Variants in TNS1 observed in about 807,000 individuals in gnomAD.
TNS1 encodes the protein tensin-1.
Under a neutral mutation model 168.6 loss-of-function variants are expected in TNS1, and 62 were observed. The ratio of observed to expected loss-of-function variants is 0.37; its 90% CI spans 0.30 to 0.45. The LOEUF is 0.45. Among genes scored for constraint, TNS1 ranks in the 20% least tolerant of loss-of-function variants. The pLI, the probability that TNS1 is intolerant of heterozygous loss-of-function variation, is 1.00. For synonymous variants in TNS1, 934 were observed against 933.2 expected (o/e 1.00, Z -0.02); for missense variants, 2,240 against 2,339.4 (o/e 0.96, Z 0.88).
intron 1 of TNS1, among the ~76,000 whole-genome samples, chr2:218,026,945 C>T (rs1374548928): frequency 3.9e-5 from 6 of 152,242 alleles, no homozygotes; most frequent in Non-Finnish European, 7.3e-5. Context: ...GCTCTTGGCT[C>T]AGATACTGGC....
chr2:217,940,058 G>A (rs1575119586), intron 3 of TNS1, among the ~76,000 whole-genome samples: 1 of 152,250 alleles, frequency 6.6e-6, no homozygotes, highest in Non-Finnish European at 1.5e-5. Context: ...AAGCCTGCCA[G>A]GCTGGCCACC....
In TNS1 at chr2:217,848,930, G is replaced by A. The variant is rs138285837; in HGVS notation, c.1587C>T (p.Ser529=). 4.3e-5 allele frequency: 69 copies of A among 1,614,154 alleles called. No homozygotes were observed. The highest frequency in any genetic ancestry group is 4.1e-4 in the African/African-American group (31 of 75,048). ...NHVEHTLSVS[S]DSGNSTASTK... is the part of the protein sequence containing the mutation. ...TGGAGGCTGTGGAGTTGCCCGAGTC[G>A]CTGCTCACAGAAAGCGTGTGTTCCA... is the stretch of plus-strand genomic sequence containing the variant. Residue 529 remains serine, a synonymous_variant, in exon 19 of 33, where the codon AGC becomes AGT. Coordinates refer to ENST00000682258, the MANE Select transcript of TNS1 (RefSeq NM_001387777.1).
intron 17 of TNS1, chr2:217,881,314 C>T: frequency 3.2e-6 from 1 of 307,738 alleles, no homozygotes; most frequent in Non-Finnish European, 6.0e-6. Context: ...TGGGTACCTG[C>T]CTCTTTTTCT....
intron 3 of TNS1, among the ~76,000 whole-genome samples, chr2:217,927,703 C>A (rs1312585105): frequency 2.0e-5 from 3 of 152,134 alleles, no homozygotes; most frequent in Middle Eastern, 3.2e-3. Flanking sequence ...TTTGCAGTGA[C>A]CCCCATCCCC....
At chr2:217,897,674 A>G in intron 8 of TNS1, 124 bp downstream of exon 8, 1 of 1,080,438 alleles carries the variant, frequency 9.3e-7, no homozygotes, top group Non-Finnish European at 1.3e-6. Context: ...GGAAAGGCAG[A>G]TAAACAAAGA....
intron 22 of TNS1, among the ~76,000 whole-genome samples, chr2:217,824,104 G>A (rs768163839): frequency 3.3e-5 from 5 of 152,198 alleles, no homozygotes; most frequent in Non-Finnish European, 7.3e-5. Flanking sequence ...CTGCTGTTGT[G>A]GTGTGACAGC....
chr2:217,828,901 G>A (rs1265740735), intron 22 of TNS1, among the ~76,000 whole-genome samples: 1 of 152,222 alleles, frequency 6.6e-6, no homozygotes, highest in African/African-American at 2.4e-5. Flanking sequence ...GGCTTCCAGA[G>A]GGCAAATCGT....
intron 19 of TNS1, 45 bp from the exon 20 acceptor site, chr2:217,836,256 A>G (rs779549998): frequency 6.4e-7 from 1 of 1,559,572 alleles, no homozygotes; most frequent in Non-Finnish European, 8.7e-7. Flanking sequence ...ATTTTTGTGT[A>G]AGAAATGATC....
chr2:217,994,091 T>C (rs1958425791), intron 1 of TNS1, among the ~76,000 whole-genome samples: 1 of 151,974 alleles, frequency 6.6e-6, no homozygotes, highest in African/African-American at 2.4e-5. Flanking sequence ...GCCAGCCACC[T>C]CCTGGGTTCT....
intron 19 of TNS1, chr2:217,841,427 T>C (rs1053103258): frequency 4.8e-6 from 1 of 207,418 alleles, no homozygotes; most frequent in Non-Finnish European, 8.4e-6. Context: ...GGACGGGGCA[T>C]TAAACAGGAC....
chr2:217,812,560 C>T, intron 27 of TNS1, 115 bp from the exon 28 acceptor site: 4 of 774,650 alleles, frequency 5.2e-6, no homozygotes, highest in Non-Finnish European at 8.3e-6. Context: ...TTACCTCTAC[C>T]TCAACCCACC....
intron 18 of TNS1, chr2:217,849,549 C>T (rs1490165781): frequency 1.5e-6 from 1 of 667,372 alleles, no homozygotes; most frequent in African/African-American, 2.0e-5. Flanking sequence ...AGACCAGTTC[C>T]TGGCACGTGA....
At chr2:217,847,350 G>T (rs905279048) in intron 19 of TNS1, among the ~76,000 whole-genome samples, 160 bp downstream of exon 19, 1 of 152,222 alleles carries the variant, frequency 6.6e-6, no homozygotes, top group African/African-American at 2.4e-5. Context: ...ATCAGACAAT[G>T]AATGCAGGAA....
At chr2:217,807,975 T>C in intron 32 of TNS1, 100 bp downstream of exon 32, 1 of 1,440,788 alleles carries the variant, frequency 6.9e-7, no homozygotes, top group Non-Finnish European at 9.6e-7. Context: ...TTGCTGCTCT[T>C]TCCCTACCCC....
At chr2:217,940,279 T>G (rs1025458577) in intron 3 of TNS1, among the ~76,000 whole-genome samples, 2 of 152,224 alleles carry the variant, frequency 1.3e-5, no homozygotes, top group African/African-American at 4.8e-5. Flanking sequence ...TTGCTTTATT[T>G]GGAGGCTGGT....
intron 19 of TNS1, among the ~76,000 whole-genome samples, chr2:217,841,774 C>G (rs1946001450): frequency 6.6e-6 from 1 of 152,148 alleles, no homozygotes; most frequent in South Asian, 2.1e-4. Flanking sequence ...CCAGCCTGAG[C>G]CCAAGGGTCA....
intron 7 of TNS1, among the ~76,000 whole-genome samples, chr2:217,899,634 G>A (rs890306125): frequency 1.3e-5 from 2 of 152,234 alleles, no homozygotes; most frequent in African/African-American, 4.8e-5. Flanking sequence ...GTGCTGGTGA[G>A]GGCCATGAGT....
chr2:217,973,252 G>A (rs957882812), intron 3 of TNS1, among the ~76,000 whole-genome samples: 3 of 151,842 alleles, frequency 2.0e-5, no homozygotes, highest in African/African-American at 4.8e-5. Flanking sequence ...GCTCGGACTC[G>A]GAAGGCTGAG....
At chr2:218,005,214 A>C (rs1270535976), upstream of TNS1, among the ~76,000 whole-genome samples, 1 of 152,188 alleles carries the variant, frequency 6.6e-6, no homozygotes, top group Non-Finnish European at 1.5e-5. Context: ...CTTTCTCTGG[A>C]GTTCTGAGAA....
Sources: allele counts gnomAD v4.1 joint callset (sites outside exome capture counted in the v4.1 genomes callset), GRCh38; gene constraint gnomAD v4.1.1; transcripts MANE v1.5; gene names NCBI Gene and HGNC (gene_info 2026-07-23, HGNC 2026-07-21).